Variants in AFAP1 observed in about 807,000 individuals in gnomAD.
AFAP1 encodes actin filament-associated protein 1.
AFAP1 carries 75 observed loss-of-function variants against 93.9 expected under a neutral mutation model. The observed-to-expected ratio is 0.80, with a 90% CI of 0.66 to 0.97. The LOEUF (loss-of-function observed/expected upper bound fraction) is 0.97. Ranked by LOEUF, AFAP1 falls within the 50% of genes least tolerant of loss-of-function variation. The probability of loss-of-function intolerance (pLI) is 0.00; values close to 1 mark genes in which losing one functional copy is unlikely to be tolerated. For synonymous variants in AFAP1, 517 were observed against 430.7 expected (o/e 1.20, Z -2.48); for missense variants, 1,201 against 1,050.8 (o/e 1.14, Z -1.98).
At chr4:7,775,557 G>A (rs963334380) in intron 14 of AFAP1, 6 of 152,236 alleles carry the variant, frequency 3.9e-5, no homozygotes, top group African/African-American at 1.2e-4. Flanking sequence ...CTGAATTGCT[G>A]CTACACCCCC....
Position 7,939,045 on chromosome 4 carries a change from A to ATTACACT in AFAP1, c.-3+610_-3+611insAGTGTAA, listed in dbSNP as rs1721559700. The stretch of plus-strand genomic sequence containing the variant: ...CGGACCCCCATTACACTCGCGTCCC[A>ATTACACT]GGCGGGGTCGACCCAGACGAGCCAC... On this transcript the variant is annotated intron_variant, in intron 1 of 17. Coordinates refer to ENST00000420658, the MANE Select transcript of AFAP1 (RefSeq NM_001134647.2). The surrounding 1 kb of genome is among the most constrained non-coding windows in gnomAD (Gnocchi z 5.6). 1.3e-5 allele frequency: 2 copies of ATTACACT among 154,036 alleles called. No individual in the cohort carries two copies. The highest frequency in any genetic ancestry group is 4.9e-5 in the African/African-American group (2 of 41,156). The allele number at this position is 154,036 out of a possible 1,614,324, so 9.5% of individuals were successfully genotyped here. A position where few individuals can be genotyped will look rare whatever the true frequency, so the allele number is the denominator to read the frequency against.
At chr4:7,902,723 G>A (rs1454868515) in intron 1 of AFAP1, among the ~76,000 whole-genome samples, 1 of 152,150 alleles carries the variant, frequency 6.6e-6, no homozygotes, top group Non-Finnish European at 1.5e-5. Flanking sequence ...ATTCAGAGTC[G>A]GGGAAGATGG....
chr4:7,871,191 T>G (rs965097412), intron 2 of AFAP1, among the ~76,000 whole-genome samples: 1 of 151,866 alleles, frequency 6.6e-6, no homozygotes, highest in Non-Finnish European at 1.5e-5. Context: ...CATCAAAGAG[T>G]TAATGTAGCA....
In AFAP1 at chr4:7,863,660, C is replaced by A. The variant is rs62289323; in HGVS notation, c.225+4962G>T. Among the ~76,000 whole-genome samples, 893 of 152,038 alleles carry A rather than the reference C, an allele frequency of 5.9e-3. 7 individuals are homozygous for A. The highest frequency in any genetic ancestry group is 0.019 in the African/African-American group (782 of 41,434). On this transcript the variant is annotated intron_variant, in intron 3 of 17. Transcript: ENST00000420658. ...CAAGCACTTCCAAAGACACATTAGC[C>A]AGGTGGAAAGACGCACCATGTCACA...
At chr4:7,830,289 A>T (rs914834713) in intron 6 of AFAP1, among the ~76,000 whole-genome samples, 1 of 52,982 alleles carries the variant, frequency 1.9e-5, no homozygotes, top group African/African-American at 9.3e-5. Flanking sequence ...CTTGGAAGAC[A>T]ATCTGGCAGA....
At chr4:7,841,784 A>G (rs150641189) in intron 5 of AFAP1, among the ~76,000 whole-genome samples, 29 of 151,918 alleles carry the variant, frequency 1.9e-4, no homozygotes, top group African/African-American at 5.8e-4. Context: ...CTTATTCACA[A>G]CTACTCTTAG....
rs751900916 is a variant in AFAP1 at position 7,781,620 on chromosome 4, G to A, written c.1538C>T (p.Pro513Leu). The A allele has an allele frequency of 3.0e-5, 47 of 1,551,560 alleles. No individual in the cohort carries two copies. In the East Asian group the frequency reaches 3.4e-4, roughly 11 times the overall value. ...DVPCINGSWE[P>L]EDGFPASCSR... Reference sequence around the variant, plus strand: ...GCAGGAAGCAGGAAAGCCGTCTTCCGGTTCCCACTGCAACACACATAGCTT... The same window carrying A: ...GCAGGAAGCAGGAAAGCCGTCTTCCAGTTCCCACTGCAACACACATAGCTT... The change falls in exon 13 of 18, where the codon CCG (proline) becomes CTG (leucine). Residue 513 changes from proline to leucine, a missense_variant. Pro to Leu is a moderately conservative substitution (Grantham distance 98). Coordinates refer to ENST00000420658, the MANE Select transcript of AFAP1 (RefSeq NM_001134647.2).
chr4:7,830,219 G>C (rs1354238939), intron 6 of AFAP1, among the ~76,000 whole-genome samples: 1 of 152,194 alleles, frequency 6.6e-6, no homozygotes, highest in African/African-American at 2.4e-5. Flanking sequence ...AACTCTGAAA[G>C]AATACATACA....
rs193254873 is a variant in AFAP1 at position 7,907,640 on chromosome 4, C to G, written c.-3+32016G>C. Reference sequence around the variant, plus strand: ...AAATCTATAACTTTTTGAGCGCTGACGTGACGCCCAATGAAATCTTCATTG... The same window carrying G: ...AAATCTATAACTTTTTGAGCGCTGAGGTGACGCCCAATGAAATCTTCATTG... On this transcript the variant is annotated intron_variant, in intron 1 of 17. Transcript: ENST00000420658. Among the ~76,000 whole-genome samples the G allele has an allele frequency of 7.8e-4, 118 of 152,256 alleles. 3 individuals carry two copies. Among genetic ancestry groups the G allele is most frequent in the Admixed American group, 7.6e-3 (117 of 15,302 alleles).
chr4:7,788,724 C>T (rs1239196360), intron 11 of AFAP1: 2 of 152,174 alleles, frequency 1.3e-5, no homozygotes, highest in Admixed American at 1.3e-4. Flanking sequence ...GGAGACAGCG[C>T]TATGTATACT....
intron 1 of AFAP1, among the ~76,000 whole-genome samples, chr4:7,885,775 G>C (rs1718109489): frequency 6.6e-6 from 1 of 152,170 alleles, no homozygotes; most frequent in Non-Finnish European, 1.5e-5. Flanking sequence ...TTTTGTGATA[G>C]TCTCAGAACA....
At chr4:7,797,427 C>T (rs955358193) in intron 10 of AFAP1, among the ~76,000 whole-genome samples, 11 of 152,312 alleles carry the variant, frequency 7.2e-5, no homozygotes, top group Middle Eastern at 3.4e-3. Context: ...CACACAGACG[C>T]TGTGGGCCTC....
In AFAP1 at chr4:7,815,125, C is replaced by G. The variant is rs1227514831; in HGVS notation, c.904+893G>C. ...GGCCACACCACAGATGAACCTTAAG[C>G]ACATGGAACTAAGTGGAATAAGCAC... On this transcript the variant is annotated intron_variant, in intron 8 of 17. Coordinates refer to ENST00000420658, the MANE Select transcript of AFAP1 (RefSeq NM_001134647.2). 2.6e-5 allele frequency among the ~76,000 whole-genome samples: 4 copies of G among 152,168 alleles called. No individual in the cohort carries two copies. In the East Asian group the frequency reaches 7.7e-4, roughly 29 times the overall value.
chr4:7,939,549 C>T lies in AFAP1; in HGVS notation c.-3+107G>A, dbSNP rs1438486000. ...TACCACCCGAGGCCGAGACAAAGCC[C>T]AGGCGCACGGACCCCGGACCCTGCG... On this transcript the variant is annotated intron_variant, in intron 1 of 17. Coordinates refer to ENST00000420658, the MANE Select transcript of AFAP1 (RefSeq NM_001134647.2). The surrounding 1 kb of genome is among the most constrained non-coding windows in gnomAD (Gnocchi z 5.6). 2.7e-6 allele frequency: 1 copy of T among 372,986 alleles called. No individual in the cohort carries two copies. 23.1% of individuals were successfully genotyped at this position (372,986 alleles called of 1,614,324 possible). A position where few individuals can be genotyped will look rare whatever the true frequency, so the allele number is the denominator to read the frequency against.
At chr4:7,850,577 A>G (rs992972189) in intron 4 of AFAP1, among the ~76,000 whole-genome samples, 2 of 152,250 alleles carry the variant, frequency 1.3e-5, no homozygotes, top group Admixed American at 6.5e-5. Flanking sequence ...ATTGCTCTGC[A>G]TGGTCTGGCT....
At chr4:7,803,158 A>T (rs765369779) in intron 9 of AFAP1, among the ~76,000 whole-genome samples, 7 of 152,182 alleles carry the variant, frequency 4.6e-5, no homozygotes, top group Non-Finnish European at 7.3e-5. Context: ...TGAGTTGACA[A>T]ATGTAATGGT....
chr4:7,851,327 A>C (rs1278779531), intron 4 of AFAP1, among the ~76,000 whole-genome samples: 1 of 152,166 alleles, frequency 6.6e-6, no homozygotes. Context: ...AGCAGGCTCC[A>C]TCCACTCCAG....
intron 17 of AFAP1, among the ~76,000 whole-genome samples, chr4:7,764,772 C>G (rs1009883211): frequency 6.6e-6 from 1 of 152,082 alleles, no homozygotes; most frequent in Admixed American, 6.5e-5. Context: ...TCTGGTCTGA[C>G]AACAGCCCTG....
Position 7,786,264 on chromosome 4 carries a change from G to T in AFAP1, c.1460C>A (p.Thr487Asn). The change falls in exon 12 of 18, where the codon ACC becomes AAC. Residue 487 changes from threonine to asparagine, a missense_variant. Physicochemically the swap from Thr to Asn is moderately conservative, Grantham distance 65 (BLOSUM62 0). Coordinates refer to ENST00000420658, the MANE Select transcript of AFAP1 (RefSeq NM_001134647.2). Reference protein sequence around the residue: ...VISANPYLGGTSNGYAHPSGT... With the variant: ...VISANPYLGGNSNGYAHPSGT... ...GCTGGGGTGGGCATAGCCGTTGGAG[G>T]TGCCCCCTAGATATGGGTTAGCAGA... 6.2e-7 allele frequency: 1 copy of T among 1,614,172 alleles called. No individual in the cohort carries two copies. Among genetic ancestry groups the T allele is most frequent in the Non-Finnish European group, 8.5e-7 (1 of 1,180,036 alleles).
Sources: allele counts gnomAD v4.1 joint callset (sites outside exome capture counted in the v4.1 genomes callset), GRCh38; gene constraint gnomAD v4.1.1; non-coding constraint Gnocchi (gnomAD v3.1); transcripts MANE v1.5; gene names NCBI Gene and HGNC (gene_info 2026-07-23, HGNC 2026-07-21).